Variants in PPP1R1C observed in about 807,000 individuals in gnomAD.
The protein encoded by PPP1R1C is protein phosphatase 1 regulatory subunit 1C.
Under a neutral mutation model 17.4 loss-of-function variants are expected in PPP1R1C, and 15 were observed. The observed-to-expected ratio is 0.86, with a 90% CI of 0.58 to 1.33. The LOEUF is 1.33. Among genes scored for constraint, PPP1R1C ranks in the 40% most tolerant of loss-of-function variants. The pLI is 0.00. For missense variants in PPP1R1C, 143 were observed against 130.0 expected (o/e 1.10, Z -0.48); for synonymous variants, 35 against 43.1 (o/e 0.81, Z 0.73).
intron 4 of PPP1R1C, among the ~76,000 whole-genome samples, chr2:182,093,241 A>G (rs1345865475): frequency 1.3e-5 from 2 of 152,172 alleles, no homozygotes; most frequent in Non-Finnish European, 2.9e-5. Flanking sequence ...CCACAGCCTG[A>G]GCTCTACATT....
chr2:182,062,774 T>C (rs566009275), intron 3 of PPP1R1C, among the ~76,000 whole-genome samples: 1 of 152,234 alleles, frequency 6.6e-6, no homozygotes, highest in East Asian at 1.9e-4. Flanking sequence ...AGTTTCTAGT[T>C]TAAACTTTGT....
intron 4 of PPP1R1C, among the ~76,000 whole-genome samples, chr2:182,089,630 C>G (rs187050286): frequency 1.4e-3 from 213 of 152,120 alleles, no homozygotes; most frequent in African/African-American, 4.9e-3. Flanking sequence ...TAGCTAAAGT[C>G]TCATTTTCAT....
At position 181,986,075 on chromosome 2, in the gene PPP1R1C, A is replaced by C. The variant is rs1180764906; in HGVS notation, c.-36A>C. 2 of 1,543,804 alleles carry C rather than the reference A, an allele frequency of 1.3e-6. No individual in the cohort carries two copies. Among genetic ancestry groups the C allele is most frequent in the Non-Finnish European group, 1.8e-6 (2 of 1,116,140 alleles). On this transcript the variant is annotated 5_prime_UTR_variant, in exon 1 of 5. Coordinates refer to ENST00000682840, the MANE Select transcript of PPP1R1C (RefSeq NM_001080545.3). ...ACACCACTTAGGGTTAGTCTTTCTG[A>C]GCTCTTCACATCTCTGACTAATTAT...
At chr2:182,000,996 A>T (rs569263599) in intron 2 of PPP1R1C, among the ~76,000 whole-genome samples, 37 of 152,270 alleles carry the variant, frequency 2.4e-4, no homozygotes, top group Non-Finnish European at 2.8e-4. Flanking sequence ...AGGTCATTAA[A>T]ACTAACCTGA....
intron 2 of PPP1R1C, among the ~76,000 whole-genome samples, chr2:181,978,359 A>G (rs1340514239): frequency 6.6e-6 from 1 of 152,242 alleles, no homozygotes; most frequent in Non-Finnish European, 1.5e-5. Context: ...TTTGGAGAGT[A>G]GGCAGACAGA....
intron 4 of PPP1R1C, among the ~76,000 whole-genome samples, chr2:182,076,309 C>T (rs1385648712): frequency 7.2e-6 from 1 of 139,714 alleles, no homozygotes; most frequent in Non-Finnish European, 1.5e-5. Context: ...ATTCTCCTGC[C>T]TCAGCCTCCT....
intron 4 of PPP1R1C, among the ~76,000 whole-genome samples, chr2:182,071,540 T>A (rs972671939): frequency 4.6e-5 from 7 of 152,218 alleles, no homozygotes; most frequent in African/African-American, 1.7e-4. Flanking sequence ...ATCCTTTTTT[T>A]ACTCCGTTTC....
intron 4 of PPP1R1C, among the ~76,000 whole-genome samples, chr2:182,090,215 C>T (rs1177696693): frequency 6.6e-6 from 1 of 151,756 alleles, no homozygotes; most frequent in East Asian, 1.9e-4. Flanking sequence ...CCGTTTGGAA[C>T]TAAAGCCAAA....
intron 2 of PPP1R1C, among the ~76,000 whole-genome samples, chr2:182,033,308 A>G (rs1173986028): frequency 6.6e-6 from 1 of 152,286 alleles, no homozygotes; most frequent in Middle Eastern, 3.4e-3. Flanking sequence ...ATTTACTCTC[A>G]TAGTCTAAAA....
rs77801343 is a variant in PPP1R1C at position 181,956,705 on chromosome 2, A to G, written n.111+2071A>G. ...ACATAAATGTCTTCTTTTGAAAAGT[A>G]TCTGTTCATATCCTTCATGTTACAG... is the stretch of plus-strand genomic sequence containing the variant. On this transcript the variant is annotated intron_variant and non_coding_transcript_variant, in intron 1 of 5. Transcript: ENST00000464264. Among the ~76,000 whole-genome samples the G allele has an allele frequency of 3.6e-3, 552 of 152,238 alleles. 3 individuals are homozygous for G. The East Asian group carries it at 0.037, about 10-fold the overall frequency.
chr2:182,127,223 T>C (rs182356385), intron 5 of PPP1R1C, among the ~76,000 whole-genome samples: 1 of 152,178 alleles, frequency 6.6e-6, no homozygotes, highest in East Asian at 1.9e-4. Flanking sequence ...TGACTTTGTT[T>C]TCAAGAGGTG....
chr2:182,002,705 T>C (rs958323389), intron 2 of PPP1R1C, among the ~76,000 whole-genome samples: 1 of 152,140 alleles, frequency 6.6e-6, no homozygotes, highest in African/African-American at 2.4e-5. Context: ...TTTCATGACA[T>C]TGTTTATTAA....
rs557750545 is a variant in PPP1R1C at position 182,056,218 on chromosome 2, C to A, written c.143-5224C>A. Among the ~76,000 whole-genome samples, 4 of 152,290 alleles carry A rather than the reference C, an allele frequency of 2.6e-5. No individual in the cohort carries two copies. The South Asian group carries it at 8.3e-4, about 32-fold the overall frequency. ...TTCCACTTCCAGGCAGCAAGTCTGG[C>A]CTTTGTCTTTCACACGAAGTCAGTT... On this transcript the variant is annotated intron_variant, in intron 2 of 4. Transcript: ENST00000682840.
intron 2 of PPP1R1C, among the ~76,000 whole-genome samples, chr2:182,047,496 A>C (rs938686749): frequency 6.6e-6 from 1 of 152,192 alleles, no homozygotes; most frequent in Non-Finnish European, 1.5e-5. Context: ...AACTAGAATT[A>C]CTGGAATAAA....
At chr2:182,021,711 G>T (rs1686434904) in intron 2 of PPP1R1C, among the ~76,000 whole-genome samples, 1 of 152,116 alleles carries the variant, frequency 6.6e-6, no homozygotes, top group Non-Finnish European at 1.5e-5. Flanking sequence ...TTTAAAAACT[G>T]CTCCTGAAAA....
rs943652639 is a variant in PPP1R1C at position 182,117,323 on chromosome 2, T to A, written c.*28T>A. On this transcript the variant is annotated 3_prime_UTR_variant, in exon 5 of 5. Coordinates refer to ENST00000682840, the MANE Select transcript of PPP1R1C (RefSeq NM_001080545.3). ...ACTGGTCTGCAGCAAGAAGGCTTCT[T>A]GGAAATAACTGAACTATTAACTTTT... is the stretch of plus-strand genomic sequence containing the variant. The A allele has an allele frequency of 3.5e-6, 5 of 1,447,048 alleles. No homozygotes were observed. The Admixed American group carries it at 1.1e-4, about 32-fold the overall frequency. The allele number at this position is 1,447,048 out of a possible 1,614,324, so 89.6% of individuals were successfully genotyped here. A position where few individuals can be genotyped will look rare whatever the true frequency, so the allele number is the denominator to read the frequency against.
At chr2:182,118,050 TGG>T (rs1187076769), downstream of PPP1R1C, 2 of 152,182 alleles carry the variant, frequency 1.3e-5, no homozygotes, top group Non-Finnish European at 2.9e-5. Flanking sequence ...ACTTGAAATT[TGG>T]GCCATCTATT....
chr2:182,130,514 A>C (rs866050188), downstream of PPP1R1C: 1 of 152,234 alleles, frequency 6.6e-6, no homozygotes, highest in Non-Finnish European at 1.5e-5. Flanking sequence ...AATCAAAGGA[A>C]GGGAACAACA....
chr2:182,077,627 T>C (rs1297463256), intron 4 of PPP1R1C, among the ~76,000 whole-genome samples: 1 of 152,186 alleles, frequency 6.6e-6, no homozygotes, highest in South Asian at 2.1e-4. Flanking sequence ...GCCACTGCAG[T>C]GTGTGCTGTA....
Sources: allele counts gnomAD v4.1 joint callset (sites outside exome capture counted in the v4.1 genomes callset), GRCh38; gene constraint gnomAD v4.1.1; transcripts MANE v1.5; gene names NCBI Gene and HGNC (gene_info 2026-07-23, HGNC 2026-07-21).